The following CHN1 variants were observed in gnomAD, a reference collection of about 807,000 sequenced individuals.
The protein encoded by CHN1 is N-chimaerin.
CHN1 carries 37 observed loss-of-function variants against 59.5 expected under a neutral mutation model. The ratio of observed to expected loss-of-function variants is 0.62; its 90% CI spans 0.48 to 0.82. The LOEUF (loss-of-function observed/expected upper bound fraction) is 0.82. Among genes scored for constraint, CHN1 ranks in the 40% least tolerant of loss-of-function variants. The pLI is 0.00. For synonymous variants in CHN1, 206 were observed against 200.4 expected (o/e 1.03, Z -0.24); for missense variants, 469 against 571.0 (o/e 0.82, Z 1.82).
chr2:174,874,785 CTTATA>C (rs1687511935), intron 6 of CHN1, among the ~76,000 whole-genome samples: 1 of 151,112 alleles, frequency 6.6e-6, no homozygotes, highest in Admixed American at 6.6e-5. Flanking sequence ...TGAGAGCACT[CTTATA>C]GAGTCATAAT....
intron 7 of CHN1, among the ~76,000 whole-genome samples, chr2:174,843,699 GA>G (rs201535934): frequency 0.036 from 4,715 of 130,278 alleles, 192 homozygotes; most frequent in African/African-American, 0.11. Context: ...TATAGATTCA[GA>G]AAAAAAAAAA....
chr2:174,847,818 G>C, intron 6 of CHN1: 10 of 479,268 alleles, frequency 2.1e-5, no homozygotes, highest in South Asian at 1.7e-4. Flanking sequence ...GGAAGGTAAT[G>C]AGAAATGAAT....
rs141168739 is a variant in CHN1 at position 174,921,294 on chromosome 2, T to C, written c.115-2729A>G. 6.6e-5 allele frequency among the ~76,000 whole-genome samples: 10 copies of C among 152,304 alleles called. No individual in the cohort carries two copies. In the East Asian group the frequency reaches 1.7e-3, roughly 26 times the overall value. On this transcript the variant is annotated intron_variant, in intron 3 of 12. Transcript: ENST00000409900. ...TACTGCCTAAGTTGTAGGTAACTAATAGATACATTTTTTCCTGCATATTGG... is the reference window on the plus strand; with the variant it reads ...TACTGCCTAAGTTGTAGGTAACTAACAGATACATTTTTTCCTGCATATTGG...
chr2:174,985,321 G>C (rs1691304470), intron 1 of CHN1, among the ~76,000 whole-genome samples: 1 of 152,084 alleles, frequency 6.6e-6, no homozygotes, highest in African/African-American at 2.4e-5. Context: ...ATCTAAAGCA[G>C]TATTAATTGT....
At chr2:174,913,656 A>G (rs1277532742) in intron 5 of CHN1, among the ~76,000 whole-genome samples, 2 of 152,204 alleles carry the variant, frequency 1.3e-5, no homozygotes, top group African/African-American at 4.8e-5. Flanking sequence ...GACAAGCTCT[A>G]TTCTCCAAGT....
At chr2:174,858,629 T>A (rs929970391) in intron 6 of CHN1, among the ~76,000 whole-genome samples, 1 of 152,176 alleles carries the variant, frequency 6.6e-6, no homozygotes, top group African/African-American at 2.4e-5. Context: ...AAACTTTTTA[T>A]ATCATGTCCA....
chr2:174,987,379 G>T (rs568750934), intron 1 of CHN1, among the ~76,000 whole-genome samples: 1 of 151,328 alleles, frequency 6.6e-6, no homozygotes, highest in African/African-American at 2.4e-5. Flanking sequence ...ATTATATTAC[G>T]GCCTCTTGGT....
intron 8 of CHN1, among the ~76,000 whole-genome samples, chr2:174,812,800 A>T (rs932836598): frequency 6.6e-6 from 1 of 152,220 alleles, no homozygotes; most frequent in Non-Finnish European, 1.5e-5. Context: ...AGCCAAAAAA[A>T]AAACCCATTT....
At chr2:174,906,485 G>C (rs1358441603) in intron 5 of CHN1, among the ~76,000 whole-genome samples, 1 of 152,114 alleles carries the variant, frequency 6.6e-6, no homozygotes, top group African/African-American at 2.4e-5. Flanking sequence ...AGATGTAGAG[G>C]TTCTTTTCAG....
chr2:174,988,427 G>A (rs182709407), intron 1 of CHN1, among the ~76,000 whole-genome samples: 8 of 151,556 alleles, frequency 5.3e-5, no homozygotes, highest in East Asian at 1.9e-4. Context: ...CTAAGTTGGC[G>A]TAAGATTTGA....
chr2:174,831,373 TAGAATC>T (rs1226085914), intron 7 of CHN1, among the ~76,000 whole-genome samples: 8 of 152,186 alleles, frequency 5.3e-5, no homozygotes, highest in Non-Finnish European at 1.0e-4. Flanking sequence ...AGAACTTGCT[TAGAATC>T]ATAAACAACC....
At chr2:174,859,421 A>T (rs1265586978) in intron 6 of CHN1, among the ~76,000 whole-genome samples, 1 of 152,174 alleles carries the variant, frequency 6.6e-6, no homozygotes, top group Non-Finnish European at 1.5e-5. Context: ...TTCTATAACC[A>T]GGTGGCATAT....
intron 7 of CHN1, among the ~76,000 whole-genome samples, chr2:174,838,308 G>T (rs558694894): frequency 1.3e-5 from 2 of 152,176 alleles, no homozygotes; most frequent in African/African-American, 4.8e-5. Flanking sequence ...GGTCAGGCTG[G>T]TCTTGAACTC....
At chr2:174,819,509 G>A (rs1361064763) in intron 8 of CHN1, among the ~76,000 whole-genome samples, 1 of 152,000 alleles carries the variant, frequency 6.6e-6, no homozygotes, top group Admixed American at 6.6e-5. Flanking sequence ...GAATGCTGCT[G>A]GAATAATGGT....
At chr2:174,953,833 C>T (rs539093477) in intron 1 of CHN1, among the ~76,000 whole-genome samples, 2 of 152,088 alleles carry the variant, frequency 1.3e-5, no homozygotes, top group Non-Finnish European at 2.9e-5. Flanking sequence ...CTCACGGATG[C>T]ATAGCATCAA....
chr2:174,956,324 G>A (rs1203306880), intron 1 of CHN1, among the ~76,000 whole-genome samples: 1 of 151,924 alleles, frequency 6.6e-6, no homozygotes, highest in African/African-American at 2.4e-5. Context: ...AACAAACCTG[G>A]CCAAAAATAA....
At chr2:174,895,724 C>T (rs1477061743) in intron 5 of CHN1, among the ~76,000 whole-genome samples, 3 of 151,924 alleles carry the variant, frequency 2.0e-5, no homozygotes, top group Admixed American at 1.3e-4. Flanking sequence ...ATGGGCCATC[C>T]GAAAAATTAT....
intron 7 of CHN1, among the ~76,000 whole-genome samples, chr2:174,839,723 C>T (rs2105424230): frequency 6.6e-6 from 1 of 152,106 alleles, no homozygotes; most frequent in Admixed American, 6.5e-5. Flanking sequence ...CTCACCTCAG[C>T]CTTTTGAGTA....
intron 3 of CHN1, among the ~76,000 whole-genome samples, chr2:174,924,475 C>CCT: frequency 1.3e-5 from 2 of 152,308 alleles, no homozygotes; most frequent in Middle Eastern, 6.8e-3. Flanking sequence ...GTGAGATCCC[C>CCT]CTCTCCATGT....
Sources: gnomAD v4.1 joint callset for allele counts (sites outside exome capture counted in the v4.1 genomes callset) on GRCh38, gnomAD v4.1.1 for gene constraint, MANE v1.5 for transcripts, NCBI Gene and HGNC (gene_info 2026-07-23, HGNC 2026-07-21) for gene names.